The following STPG2 variants were observed in gnomAD, a reference collection of about 807,000 sequenced individuals.
The protein encoded by STPG2 is sperm-tail PG-rich repeat-containing protein 2.
In STPG2, 56 loss-of-function variants were observed where a neutral mutation model predicts 54.2. That is an observed-to-expected ratio of 1.03 (90% confidence interval 0.83 to 1.29). STPG2 has a LOEUF of 1.29. STPG2 is among the 50% of genes most tolerant of loss of function. The pLI is 0.00. For missense variants in STPG2, 596 were observed against 544.9 expected, an observed-to-expected ratio of 1.09 and a Z score of -0.93; for synonymous variants, 200 against 181.8, an observed-to-expected ratio of 1.10 and a Z score of -0.81.
chr4:98,014,051 G>A (rs35752787), intron 5 of STPG2, among the ~76,000 whole-genome samples: 59,893 of 151,750 alleles, frequency 0.39, 12,043 homozygotes, highest in Middle Eastern at 0.46. Flanking sequence ...AGGTGCTTTA[G>A]TTGTGATGTG....
chr4:97,692,357 A>G (rs1404880714), intron 10 of STPG2, among the ~76,000 whole-genome samples: 2 of 152,010 alleles, frequency 1.3e-5, no homozygotes, highest in Non-Finnish European at 2.9e-5. Flanking sequence ...ACCAATCACA[A>G]CTTCTGGAAA....
chr4:97,801,325 TC>T (rs1727389664), intron 9 of STPG2, among the ~76,000 whole-genome samples: 1 of 152,018 alleles, frequency 6.6e-6, no homozygotes, highest in South Asian at 2.1e-4. Context: ...TCTTGGAACC[TC>T]CCCATTTCTA....
intron 5 of STPG2, among the ~76,000 whole-genome samples, chr4:98,007,281 C>A (rs373032181): frequency 6.6e-6 from 1 of 152,200 alleles, no homozygotes; most frequent in African/African-American, 2.4e-5. Flanking sequence ...TCTCAGGAAG[C>A]TGTGAGCCTG....
intron 9 of STPG2, among the ~76,000 whole-genome samples, chr4:97,821,930 C>G (rs182410320): frequency 1.6e-3 from 240 of 152,284 alleles, no homozygotes; most frequent in African/African-American, 5.7e-3. Context: ...AGGCCTTTTT[C>G]CCATGTCTTG....
At chr4:98,081,326 T>C (rs554482083) in intron 5 of STPG2, among the ~76,000 whole-genome samples, 2 of 152,242 alleles carry the variant, frequency 1.3e-5, no homozygotes, top group Admixed American at 1.3e-4. Flanking sequence ...TCCTTCAAAG[T>C]CAGAAGATAC....
At chr4:97,933,627 T>C (rs572483948) in intron 8 of STPG2, among the ~76,000 whole-genome samples, 30 of 152,332 alleles carry the variant, frequency 2.0e-4, no homozygotes, top group Admixed American at 8.5e-4. Flanking sequence ...GGGAATTCTT[T>C]CCCCCTTGCC....
intron 8 of STPG2, among the ~76,000 whole-genome samples, chr4:97,903,881 G>A (rs1480030754): frequency 1.3e-5 from 2 of 152,194 alleles, no homozygotes; most frequent in African/African-American, 2.4e-5. Flanking sequence ...CGAATACTGC[G>A]CTTTTCCAAC....
chr4:97,758,980 A>C (rs1035224109), intron 9 of STPG2, among the ~76,000 whole-genome samples: 1 of 152,160 alleles, frequency 6.6e-6, no homozygotes, highest in Admixed American at 6.6e-5. Flanking sequence ...GACAGAAAAA[A>C]AATGAACGTA....
chr4:97,835,676 C>A (rs1728610789), intron 9 of STPG2, among the ~76,000 whole-genome samples: 3 of 152,116 alleles, frequency 2.0e-5, no homozygotes, highest in Admixed American at 6.6e-5. Context: ...GGCCACCATA[C>A]AGAGTGACTC....
At chr4:97,880,739 C>T (rs1730339094) in intron 8 of STPG2, among the ~76,000 whole-genome samples, 1 of 151,856 alleles carries the variant, frequency 6.6e-6, no homozygotes, top group East Asian at 1.9e-4. Context: ...TGCATTTTTG[C>T]ATGCTGGTAA....
chr4:97,581,791 T>C (rs1400611464), intron 10 of STPG2, among the ~76,000 whole-genome samples: 2 of 151,994 alleles, frequency 1.3e-5, no homozygotes, highest in Non-Finnish European at 2.9e-5. Flanking sequence ...GAAAATGAGA[T>C]TATTTTATAA....
intron 5 of STPG2, among the ~76,000 whole-genome samples, chr4:98,089,525 G>GT (rs755799615): frequency 4.1e-4 from 62 of 151,370 alleles, no homozygotes; most frequent in South Asian, 3.8e-3. Context: ...ATGTGCATGT[G>GT]TTTTTTTTCA....
At chr4:98,121,104 A>G (rs1279072774) in intron 3 of STPG2, among the ~76,000 whole-genome samples, 1 of 152,232 alleles carries the variant, frequency 6.6e-6, no homozygotes, top group African/African-American at 2.4e-5. Context: ...GTCCAGTTTC[A>G]GTTCTCTGCA....
chr4:97,638,175 T>C (rs1485932928), intron 10 of STPG2, among the ~76,000 whole-genome samples: 2 of 152,036 alleles, frequency 1.3e-5, no homozygotes, highest in African/African-American at 2.4e-5. Flanking sequence ...AACAGAGCCC[T>C]CAGAAATAAC....
At chr4:98,141,578 C>CT (rs768353316) in intron 1 of STPG2, among the ~76,000 whole-genome samples, 58 of 152,188 alleles carry the variant, frequency 3.8e-4, no homozygotes, top group Non-Finnish European at 5.4e-4. Context: ...GAAGCCCCCA[C>CT]TTTGAGTTGT....
intron 5 of STPG2, among the ~76,000 whole-genome samples, chr4:98,069,225 G>A (rs1010801312): frequency 3.3e-5 from 5 of 151,884 alleles, no homozygotes; most frequent in African/African-American, 1.2e-4. Flanking sequence ...AGAATTTGGT[G>A]TTCCACATAC....
intron 1 of STPG2, among the ~76,000 whole-genome samples, chr4:98,141,942 G>GA (rs3974892): frequency 0.028 from 2,706 of 96,778 alleles, 63 homozygotes; most frequent in African/African-American, 0.047. Flanking sequence ...CAGTAGTTGG[G>GA]AAAAAAAAAA....
chr4:98,084,704 T>A (rs1442198454), intron 5 of STPG2, among the ~76,000 whole-genome samples: 1 of 152,224 alleles, frequency 6.6e-6, no homozygotes, highest in Non-Finnish European at 1.5e-5. Flanking sequence ...ATGTTCCTAA[T>A]GACAAACGGT....
intron 4 of STPG2, among the ~76,000 whole-genome samples, chr4:97,542,250 A>C (rs2148862512): frequency 6.6e-6 from 1 of 152,354 alleles, no homozygotes; most frequent in African/African-American, 2.4e-5. Context: ...CAGAATCTAC[A>C]AAGAACTCAA....
Sources: gnomAD v4.1 joint callset for allele counts (sites outside exome capture counted in the v4.1 genomes callset) on GRCh38, gnomAD v4.1.1 for gene constraint, MANE v1.5 for transcripts, NCBI Gene and HGNC (gene_info 2026-07-23, HGNC 2026-07-21) for gene names.